MTMR8: variants seen among roughly 807,000 people sequenced by gnomAD.
MTMR8 encodes the protein phosphatidylinositol-3,5-bisphosphate 3-phosphatase MTMR8.
MTMR8 carries 65 observed loss-of-function variants against 39.3 expected under a neutral mutation model. That is an observed-to-expected ratio of 1.65 (90% CI 1.35 to 2.03). MTMR8 has a LOEUF of 2.03. Among genes scored for constraint, MTMR8 ranks in the 30% most tolerant of loss-of-function variants. The pLI is 0.00. For synonymous variants in MTMR8, 245 were observed against 185.2 expected, an observed-to-expected ratio of 1.32 and a Z score of -2.62; for missense variants, 777 against 538.9, an observed-to-expected ratio of 1.44 and a Z score of -4.37.
intron 8 of MTMR8, among the ~76,000 whole-genome samples, chrX:64,338,224 C>T (rs1923125828): frequency 8.9e-6 from 1 of 111,746 alleles, no homozygotes; most frequent in African/African-American, 3.3e-5. Context: ...ACACACCTAG[C>T]CAATAATTAC....
At chrX:64,292,392 G>T (rs949930816) in intron 12 of MTMR8, among the ~76,000 whole-genome samples, 3 of 111,476 alleles carry the variant, frequency 2.7e-5, no homozygotes, top group Non-Finnish European at 5.7e-5. Context: ...CTCAAGGGAT[G>T]CTCCAAACCA....
At position 64,271,032 on chromosome X, in the gene MTMR8, T is replaced by A. The variant is rs200666109; in HGVS notation, c.1523A>T (p.Gln508Leu). The A allele has an allele frequency of 8.3e-7, 1 of 1,206,092 alleles. No individual in the cohort carries two copies. Among genetic ancestry groups the A allele is most frequent in the Non-Finnish European group, 1.1e-6 (1 of 893,620 alleles). The change falls in exon 13 of 14, where the codon CAG becomes CTG. Residue 508 changes from glutamine to leucine, a missense_variant. Transcript: ENST00000374852. ...GCTCTCTAGCATACTCTGCTTGGGC[T>A]GCAGCCCTTTGTCAAAGCGGTTATA... ...GMYNRFDKGL[Q>L]PKQSMLESLL...
Position 64,272,483 on chromosome X carries a change from G to A in MTMR8, c.1482-1410C>T, listed in dbSNP as rs187855113. Among the ~76,000 whole-genome samples the A allele has an allele frequency of 3.6e-5, 4 of 110,772 alleles. No individual in the cohort carries two copies. The Admixed American group carries it at 3.8e-4, about 11-fold the overall frequency. ...TTATTTGTCATTATCCAGTCAGAAG[G>A]ACACAAAGAAAAAAGAATAAAAAAA... On this transcript the variant is annotated intron_variant, in intron 12 of 13. Transcript: ENST00000374852.
At chrX:64,330,547 T>C (rs1000771605) in intron 11 of MTMR8, among the ~76,000 whole-genome samples, 1 of 111,977 alleles carries the variant, frequency 8.9e-6, no homozygotes, top group Non-Finnish European at 1.9e-5. Context: ...CTATTTCTTT[T>C]TCTCTGTCTC....
At chrX:64,301,809 G>T (rs1353259273) in intron 12 of MTMR8, among the ~76,000 whole-genome samples, 1 of 111,674 alleles carries the variant, frequency 9.0e-6, no homozygotes, top group African/African-American at 3.3e-5. Flanking sequence ...AGGACCCTCT[G>T]TTGGAATACC....
chrX:64,379,582 C>G (rs1029020878), intron 1 of MTMR8, among the ~76,000 whole-genome samples: 4 of 111,419 alleles, frequency 3.6e-5, no homozygotes, highest in Non-Finnish European at 7.5e-5. Context: ...CATCTTCTCC[C>G]TCTGTCTTTT....
At chrX:64,356,432 A>C (rs1185185589) in intron 2 of MTMR8, 94 bp from the exon 3 acceptor site, 2 of 813,017 alleles carry the variant, frequency 2.5e-6, no homozygotes, top group Non-Finnish European at 3.5e-6. Context: ...TAACAGCATG[A>C]CCAGATCTGT....
intron 11 of MTMR8, among the ~76,000 whole-genome samples, chrX:64,329,198 C>G (rs1218195508): frequency 9.0e-6 from 1 of 111,390 alleles, no homozygotes; most frequent in Non-Finnish European, 1.9e-5. Context: ...TTAAGAAAAT[C>G]CCGAGTTTTT....
intron 12 of MTMR8, among the ~76,000 whole-genome samples, chrX:64,299,674 G>A (rs1333831275): frequency 4.6e-4 from 41 of 90,032 alleles, no homozygotes; most frequent in Non-Finnish European, 7.9e-4. Flanking sequence ...GTGATGTTAG[G>A]GTGTCAATTT....
chrX:64,324,088 C>A (rs1023175676), intron 12 of MTMR8, among the ~76,000 whole-genome samples: 6 of 112,802 alleles, frequency 5.3e-5, no homozygotes, highest in African/African-American at 1.9e-4. Context: ...AGTGCCCAGG[C>A]ACAGTAGCTT....
At chrX:64,316,514 G>C (rs1922469449) in intron 12 of MTMR8, among the ~76,000 whole-genome samples, 1 of 111,044 alleles carries the variant, frequency 9.0e-6, no homozygotes, top group Non-Finnish European at 1.9e-5. Context: ...GGGCATGATT[G>C]GTGCATGCCT....
chrX:64,292,428 C>T (rs763664199), intron 12 of MTMR8, among the ~76,000 whole-genome samples: 6 of 111,091 alleles, frequency 5.4e-5, no homozygotes, highest in Non-Finnish European at 1.1e-4. Flanking sequence ...TTGGACCTCG[C>T]TGTTGGTTGC....
At chrX:64,373,499 C>A (rs1924181354) in intron 1 of MTMR8, among the ~76,000 whole-genome samples, 1 of 111,807 alleles carries the variant, frequency 8.9e-6, no homozygotes, top group Non-Finnish European at 1.9e-5. Context: ...GAGGCCTCTT[C>A]AGCCATACTA....
rs1921216745 is a variant in MTMR8 at position 64,287,255 on chromosome X, A to G, written c.1482-16182T>C. Among the ~76,000 whole-genome samples the G allele has an allele frequency of 6.3e-5, 7 of 111,168 alleles. No individual in the cohort carries two copies. The South Asian group carries it at 1.5e-3, about 24-fold the overall frequency. On this transcript the variant is annotated intron_variant, in intron 12 of 13. Transcript: ENST00000374852. ...TAAAATACCTAGGAATCCAACTTAC[A>G]AGGGATGTGAAGGACCTCTTCAAGG...
intron 4 of MTMR8, among the ~76,000 whole-genome samples, chrX:64,352,313 T>C (rs1235794686): frequency 8.9e-6 from 1 of 111,815 alleles, no homozygotes; most frequent in Non-Finnish European, 1.9e-5. Context: ...TTTTGTTGAC[T>C]TTGTCCCCTG....
chrX:64,300,990 C>G (rs1273888738), intron 12 of MTMR8, among the ~76,000 whole-genome samples: 3 of 106,871 alleles, frequency 2.8e-5, no homozygotes, highest in African/African-American at 1.0e-4. Flanking sequence ...CCCGACCTTT[C>G]TCTCTGGCTG....
intron 13 of MTMR8, 65 bp from the exon 14 acceptor site, chrX:64,269,108 C>G: frequency 9.2e-7 from 1 of 1,082,098 alleles, no homozygotes; most frequent in Non-Finnish European, 1.3e-6. Context: ...GCAAACATTA[C>G]CTTGATCTGC....
chrX:64,367,702 C>CAG (rs1392853066), intron 1 of MTMR8, among the ~76,000 whole-genome samples: 19 of 111,642 alleles, frequency 1.7e-4, no homozygotes, highest in Middle Eastern at 4.7e-3. Context: ...ACTGGCACAA[C>CAG]ACAGGGATGC....
chrX:64,352,098 C>T (rs748442995), intron 4 of MTMR8, among the ~76,000 whole-genome samples: 1 of 111,961 alleles, frequency 8.9e-6, no homozygotes, highest in Non-Finnish European at 1.9e-5. Flanking sequence ...GAACACCTGC[C>T]TTCCTTCTGG....
Sources: gnomAD v4.1 joint callset for allele counts (sites outside exome capture counted in the v4.1 genomes callset) on GRCh38, gnomAD v4.1.1 for gene constraint, MANE v1.5 for transcripts, NCBI Gene and HGNC (gene_info 2026-07-23, HGNC 2026-07-21) for gene names.